The following LYPD1 variants were observed in gnomAD, a reference collection of about 807,000 sequenced individuals.
The protein encoded by LYPD1 is ly6/PLAUR domain-containing protein 1.
LYPD1 carries 14 observed loss-of-function variants against 14.2 expected under a neutral mutation model. That is an observed-to-expected ratio of 0.99 (90% CI 0.65 to 1.54). LYPD1 has a LOEUF of 1.54. LYPD1 is among the 40% of genes most tolerant of loss of function. LYPD1 has a pLI of 0.00. For synonymous variants in LYPD1, 85 were observed against 70.6 expected, an observed-to-expected ratio of 1.20 and a Z score of -1.02; for missense variants, 165 against 175.7, an observed-to-expected ratio of 0.94 and a Z score of 0.34.
At chr2:132,661,660 A>C (rs1682947154) in intron 2 of LYPD1, among the ~76,000 whole-genome samples, 1 of 152,194 alleles carries the variant, frequency 6.6e-6, no homozygotes, top group Non-Finnish European at 1.5e-5. Context: ...ATGAGATTTC[A>C]CTTACAGGAA....
chr2:132,670,649 G>A (rs2104935873), upstream of LYPD1, among the ~76,000 whole-genome samples: 1 of 152,254 alleles, frequency 6.6e-6, no homozygotes, highest in South Asian at 2.1e-4. The surrounding 1 kb of genome is among the most constrained non-coding windows in gnomAD (Gnocchi z 4.5). Context: ...GGCCGCGGGA[G>A]CCTGGCGCCC....
rs771473286 is a variant in LYPD1, at chr2:132,645,165, G to A, written c.*880C>T. ...ACCAGATTCGGAGGATCATGGCTGC[G>A]GCCAAACCCAAGCACGACTGGACGA... is the stretch of plus-strand genomic sequence containing the variant. On this transcript the variant is annotated 3_prime_UTR_variant, in exon 3 of 3. Coordinates refer to ENST00000397463, the MANE Select transcript of LYPD1 (RefSeq NM_144586.7). The A allele has an allele frequency of 9.3e-6, 15 of 1,614,018 alleles. No individual in the cohort carries two copies. The highest frequency in any genetic ancestry group is 4.0e-5 in the African/African-American group (3 of 74,902).
rs986742155 is a variant in LYPD1 at position 132,650,735 on chromosome 2, C to A, written c.191-4455G>T. 1.8e-3 allele frequency among the ~76,000 whole-genome samples: 257 copies of A among 141,018 alleles called. 3 individuals carry two copies. Among genetic ancestry groups the A allele is most frequent in the African/African-American group, 7.0e-3 (246 of 35,176 alleles). 92.5% of individuals were successfully genotyped at this position (141,018 alleles called of 152,430 possible). A position where few individuals can be genotyped will look rare whatever the true frequency, so the allele number is the denominator to read the frequency against. On this transcript the variant is annotated intron_variant, in intron 2 of 2. Coordinates refer to ENST00000397463, the MANE Select transcript of LYPD1 (RefSeq NM_144586.7). ...TCCTTTAAAAAAAAAAAACAAAAAA[C>A]AAAAACAAAACCCAAATGAGTTTAT... is the stretch of plus-strand genomic sequence containing the variant.
chr2:132,661,258 GATGA>G (rs1490664147), intron 2 of LYPD1, among the ~76,000 whole-genome samples: 1 of 152,178 alleles, frequency 6.6e-6, no homozygotes, highest in African/African-American at 2.4e-5. Context: ...AGGGAAAACA[GATGA>G]ATTATATAAT....
intron 2 of LYPD1, among the ~76,000 whole-genome samples, chr2:132,654,893 C>T (rs1241846138): frequency 3.3e-5 from 5 of 151,924 alleles, no homozygotes; most frequent in South Asian, 2.1e-4. Flanking sequence ...GGACTACAGG[C>T]GCCTGCCACC....
In LYPD1 at chr2:132,645,925, CGGACTCCCGCTCCCTACCCAGAATAAAA is replaced by C. The variant is rs1031570760; in HGVS notation, c.*92_*119del. The C allele has an allele frequency of 1.4e-6, 1 of 734,818 alleles. No individual in the cohort carries two copies. The highest frequency in any genetic ancestry group is 1.8e-5 in the African/African-American group (1 of 55,704). The allele number at this position is 734,818 out of a possible 1,614,324, so 45.5% of individuals were successfully genotyped here. ...ATTTGCACAGGAACAAAAGAGAACA[CGGACTCCCGCTCCCTACCCAGAATAAAA>C]GGACACCCAGAAGAAACTCACTCAG... On this transcript the variant is annotated 3_prime_UTR_variant, in exon 3 of 3. Transcript: ENST00000397463.
chr2:132,655,492 A>G (rs1682533059), intron 2 of LYPD1, among the ~76,000 whole-genome samples: 3 of 126,946 alleles, frequency 2.4e-5, no homozygotes. Flanking sequence ...TAAAGCCATG[A>G]TTCTCTTGGG....
intron 2 of LYPD1, among the ~76,000 whole-genome samples, chr2:132,654,297 AG>A (rs147704275): frequency 0.021 from 3,242 of 151,658 alleles, 92 homozygotes; most frequent in African/African-American, 0.072. Flanking sequence ...GCTACTCCGG[AG>A]GCTTAGGTGG....
In LYPD1 at chr2:132,645,378, G is replaced by C; in HGVS notation, c.*667C>G. The C allele has an allele frequency of 6.2e-7, 1 of 1,613,750 alleles. No individual in the cohort carries two copies. The highest frequency in any genetic ancestry group is 1.3e-5 in the African/African-American group (1 of 75,054). On this transcript the variant is annotated 3_prime_UTR_variant, in exon 3 of 3. Transcript: ENST00000397463. ...ACGAGAAGCGCCTGCGCGTACATGC[G>C]CACTCCACCACCGACAGCGCCCGCT...
At chr2:132,668,291 T>C in intron 2 of LYPD1, 109 bp downstream of exon 2, 10 of 1,337,328 alleles carry the variant, frequency 7.5e-6, no homozygotes, top group Admixed American at 2.5e-5. Context: ...ATAACCAGTG[T>C]GTGGGCATTA....
At chr2:132,656,827 TA>T (rs565980843) in intron 2 of LYPD1, among the ~76,000 whole-genome samples, 9 of 152,312 alleles carry the variant, frequency 5.9e-5, no homozygotes, top group Middle Eastern at 3.4e-3. Context: ...CAACTCATTT[TA>T]AAAAGGGAAA....
chr2:132,657,446 C>T (rs1682666298), intron 2 of LYPD1, among the ~76,000 whole-genome samples: 1 of 152,176 alleles, frequency 6.6e-6, no homozygotes, highest in South Asian at 2.1e-4. Flanking sequence ...TTATTGTTCT[C>T]AAATGGTAAG....
chr2:132,669,131 T>G lies in LYPD1; in HGVS notation c.53-594A>C, dbSNP rs565464896. ...CCCGAGCCCGGGTCGGCGGCCCTTC[T>G]CCGGGGCCGTCCCCGCGGCGACCCG... On this transcript the variant is annotated intron_variant, in intron 1 of 2. Transcript: ENST00000397463. This position sits in a 1 kb window ranked among gnomAD's most constrained non-coding sequence, Gnocchi z 4.3. 3.2e-4 allele frequency among the ~76,000 whole-genome samples: 48 copies of G among 152,090 alleles called. No homozygotes were observed. Among genetic ancestry groups the G allele is most frequent in the Admixed American group, 1.8e-3 (27 of 15,292 alleles).
Position 132,650,314 on chromosome 2 carries a change from C to T in LYPD1, c.191-4034G>A, listed in dbSNP as rs1219932917. 3.9e-5 allele frequency among the ~76,000 whole-genome samples: 6 copies of T among 152,150 alleles called. No homozygotes were observed. The South Asian group carries it at 1.2e-3, about 32-fold the overall frequency. On this transcript the variant is annotated intron_variant, in intron 2 of 2. Transcript: ENST00000397463. ...GAGATTTAAATGTTTATTATAAACA[C>T]TGTGTTCATGAATCTTATAAAAAGG...
At chr2:132,658,953 G>GGTGTGT (rs3043652) in intron 2 of LYPD1, among the ~76,000 whole-genome samples, 4 of 150,828 alleles carry the variant, frequency 2.7e-5, no homozygotes, top group Non-Finnish European at 5.9e-5. Context: ...GTGTTGTAGA[G>GGTGTGT]GTGTGTGTGT....
At chr2:132,666,888 G>A (rs1426012574) in intron 2 of LYPD1, 1 of 152,184 alleles carries the variant, frequency 6.6e-6, no homozygotes, top group Non-Finnish European at 1.5e-5. Context: ...CTCTGAAGAA[G>A]TTCTTAACGT....
At chr2:132,652,212 A>C (rs1682385777) in intron 2 of LYPD1, among the ~76,000 whole-genome samples, 1 of 152,176 alleles carries the variant, frequency 6.6e-6, no homozygotes, top group African/African-American at 2.4e-5. Context: ...AGATTTTACT[A>C]GTGTGTCTTT....
intron 2 of LYPD1, among the ~76,000 whole-genome samples, chr2:132,647,071 T>C (rs954159480): frequency 2.0e-5 from 3 of 152,218 alleles, no homozygotes; most frequent in Non-Finnish European, 2.9e-5. Context: ...TGGAAGTTTA[T>C]TCAATTCAAA....
rs373819702 is a variant in LYPD1 at position 132,645,374 on chromosome 2, A to G, written c.*671T>C. ...AACCACGAGAAGCGCCTGCGCGTAC[A>G]TGCGCACTCCACCACCGACAGCGCC... is the stretch of plus-strand genomic sequence containing the variant. On this transcript the variant is annotated 3_prime_UTR_variant, in exon 3 of 3. Transcript: ENST00000397463. The G allele has an allele frequency of 3.1e-6, 5 of 1,613,774 alleles. No homozygotes were observed. In the African/African-American group the frequency reaches 6.7e-5, roughly 22 times the overall value.
Sources: allele counts gnomAD v4.1 joint callset (sites outside exome capture counted in the v4.1 genomes callset), GRCh38; gene constraint gnomAD v4.1.1; non-coding constraint Gnocchi (gnomAD v3.1); transcripts MANE v1.5; gene names NCBI Gene and HGNC (gene_info 2026-07-23, HGNC 2026-07-21).